The following PALLD variants were observed in gnomAD, a reference collection of about 807,000 sequenced individuals.
PALLD encodes the protein palladin.
A neutral mutation model predicts 123.5 loss-of-function variants in PALLD; 61 were observed. The observed-to-expected ratio is 0.49, with a 90% CI of 0.40 to 0.61. The LOEUF (loss-of-function observed/expected upper bound fraction) is 0.61, where lower values mean the gene tolerates loss of function less well. PALLD is among the 20% of genes least tolerant of loss of function. The pLI is 0.00. For synonymous variants in PALLD, 465 were observed against 496.4 expected (o/e 0.94, Z 0.84); for missense variants, 1,273 against 1,377.0 (o/e 0.92, Z 1.20).
chr4:168,717,571 G>A (rs1785481997), intron 10 of PALLD, among the ~76,000 whole-genome samples: 1 of 152,006 alleles, frequency 6.6e-6, no homozygotes, highest in South Asian at 2.1e-4. Flanking sequence ...GGCTGGTCTC[G>A]AACTCCTGAC....
chr4:168,742,736 A>G lies in PALLD; in HGVS notation c.1964+30813A>G, dbSNP rs562565905. Reference sequence around the variant, plus strand: ...CAACTGAAATGATGGGTGTATTTGCATCTAGTGGCAATCATATTCACTATG... The same window carrying G: ...CAACTGAAATGATGGGTGTATTTGCGTCTAGTGGCAATCATATTCACTATG... On this transcript the variant is annotated intron_variant, in intron 10 of 21. Coordinates refer to ENST00000505667, the MANE Select transcript of PALLD (RefSeq NM_001166108.2). Among the ~76,000 whole-genome samples, 229 of 152,328 alleles carry G rather than the reference A, an allele frequency of 1.5e-3. 1 individual carries two copies. The highest frequency in any genetic ancestry group is 5.2e-3 in the African/African-American group (217 of 41,572).
In PALLD at chr4:168,599,248, C is replaced by T. The variant is rs545937259; in HGVS notation, c.909-68942C>T. Reference sequence around the variant, plus strand: ...TAGAAATGTCTACATATTTTAAGGGCTCATGCAGGGCCTTGGAAGAAGACC... The same window carrying T: ...TAGAAATGTCTACATATTTTAAGGGTTCATGCAGGGCCTTGGAAGAAGACC... On this transcript the variant is annotated intron_variant, in intron 2 of 21. Transcript: ENST00000505667. Among the ~76,000 whole-genome samples, 3 of 152,276 alleles carry T rather than the reference C, an allele frequency of 2.0e-5. No homozygotes were observed. In the East Asian group the frequency reaches 5.8e-4, roughly 29 times the overall value.
At position 168,928,229 on chromosome 4, in the gene PALLD, TCTTA is replaced by T. The variant is rs368719203; in HGVS notation, c.*2053_*2056del. 1 of 185,650 alleles carries T rather than the reference TCTTA, an allele frequency of 5.4e-6. No homozygotes were observed. Among genetic ancestry groups the T allele is most frequent in the East Asian group, 8.7e-5 (1 of 11,450 alleles). 11.5% of individuals were successfully genotyped at this position (185,650 alleles called of 1,614,324 possible). A position where few individuals can be genotyped will look rare whatever the true frequency, so the allele number is the denominator to read the frequency against. On this transcript the variant is annotated 3_prime_UTR_variant, in exon 22 of 22. Transcript: ENST00000505667. ...CTCTATTGTAGAATTATGACTTATG[TCTTA>T]CTTGCCAAATTTTTCTGAATGTGAC...
intron 2 of PALLD, among the ~76,000 whole-genome samples, chr4:168,608,159 C>T (rs2149752490): frequency 6.6e-6 from 1 of 152,316 alleles, no homozygotes. Flanking sequence ...GGGAGCAGCG[C>T]TGGCAACCTA....
At chr4:168,833,067 C>CTCCA (rs1744542026) in intron 10 of PALLD, 7 of 152,560 alleles carry the variant, frequency 4.6e-5, no homozygotes, top group African/African-American at 1.4e-4. Context: ...GGGCTCTAGG[C>CTCCA]CGGCCCCGCC....
At chr4:168,821,940 G>A (rs1369237995) in intron 10 of PALLD, among the ~76,000 whole-genome samples, 1 of 147,212 alleles carries the variant, frequency 6.8e-6, no homozygotes, top group Non-Finnish European at 1.5e-5. Context: ...ATAGACTGTT[G>A]TTGAAGCCCA....
At chr4:168,917,937 AC>A (rs1760543805) in intron 17 of PALLD, among the ~76,000 whole-genome samples, 1 of 152,186 alleles carries the variant, frequency 6.6e-6, no homozygotes, top group South Asian at 2.1e-4. Context: ...ACAGTGGCAC[AC>A]GCCTGTAATC....
intron 10 of PALLD, among the ~76,000 whole-genome samples, chr4:168,838,957 A>C (rs2150911228): frequency 6.6e-6 from 1 of 151,930 alleles, no homozygotes; most frequent in East Asian, 1.9e-4. Flanking sequence ...CTAAGAAATA[A>C]TTTTTTTTGT....
intron 2 of PALLD, among the ~76,000 whole-genome samples, chr4:168,661,634 T>C (rs1428751270): frequency 6.6e-6 from 1 of 152,218 alleles, no homozygotes; most frequent in African/African-American, 2.4e-5. Context: ...GCTCTCCAGT[T>C]TCCCTCAGCT....
chr4:168,723,466 G>C (rs1013102723), intron 10 of PALLD, among the ~76,000 whole-genome samples: 1 of 152,206 alleles, frequency 6.6e-6, no homozygotes. Flanking sequence ...GAAAAGGTTT[G>C]AGGAAGCAGA....
intron 10 of PALLD, among the ~76,000 whole-genome samples, chr4:168,752,024 G>A (rs1320967762): frequency 1.3e-5 from 2 of 152,164 alleles, no homozygotes; most frequent in East Asian, 1.9e-4. Flanking sequence ...GGGCTCTGTC[G>A]AACACTCAGT....
chr4:168,889,159 T>TGTGTGTGTGTGTGTGTGTGG (rs1753789336), intron 10 of PALLD, among the ~76,000 whole-genome samples: 1 of 147,014 alleles, frequency 6.8e-6, no homozygotes, highest in Non-Finnish European at 1.5e-5. Flanking sequence ...TGTGTGTGTG[T>TGTGTGTGTGTGTGTGTGTGG]GTGTGTGGTT....
chr4:168,838,667 C>CTTTTTTTTTT (rs70961558), intron 10 of PALLD, among the ~76,000 whole-genome samples: 1 of 88,780 alleles, frequency 1.1e-5, no homozygotes, highest in Non-Finnish European at 2.1e-5. Context: ...CTTCTAACTC[C>CTTTTTTTTTT]TTTTTTTTTT....
intron 2 of PALLD, among the ~76,000 whole-genome samples, chr4:168,585,902 G>A (rs976189701): frequency 1.3e-5 from 2 of 152,080 alleles, no homozygotes; most frequent in Non-Finnish European, 2.9e-5. Context: ...AGGGTCCTTT[G>A]CATTGGTAGA....
chr4:168,730,671 C>A (rs779733310), intron 10 of PALLD, among the ~76,000 whole-genome samples: 1 of 152,036 alleles, frequency 6.6e-6, no homozygotes, highest in African/African-American at 2.4e-5. Flanking sequence ...ATCTTCAGGT[C>A]TTGGGTTAAT....
At chr4:168,592,044 T>C (rs1197110025) in intron 2 of PALLD, among the ~76,000 whole-genome samples, 1 of 142,352 alleles carries the variant, frequency 7.0e-6, no homozygotes, top group East Asian at 2.0e-4. Flanking sequence ...TGAGATGGAG[T>C]CGCGCTCTGT....
chr4:168,790,953 A>C (rs2150600459), intron 10 of PALLD, among the ~76,000 whole-genome samples: 1 of 152,162 alleles, frequency 6.6e-6, no homozygotes, highest in Non-Finnish European at 1.5e-5. Flanking sequence ...ATTAATTCTA[A>C]CCCCTTCAAT....
At chr4:168,701,708 T>TG (rs1235957421) in intron 8 of PALLD, among the ~76,000 whole-genome samples, 6 of 152,224 alleles carry the variant, frequency 3.9e-5, no homozygotes, top group Non-Finnish European at 8.8e-5. Context: ...TCTCTCAGTG[T>TG]TCCCAGAACC....
intron 10 of PALLD, chr4:168,712,176 G>T (rs1784895923): frequency 1.8e-6 from 1 of 556,626 alleles, no homozygotes; most frequent in Non-Finnish European, 3.2e-6. Context: ...TCTGTGCCCA[G>T]TGTGGGCTTC....
Sources: allele counts gnomAD v4.1 joint callset (sites outside exome capture counted in the v4.1 genomes callset), GRCh38; gene constraint gnomAD v4.1.1; transcripts MANE v1.5; gene names NCBI Gene and HGNC (gene_info 2026-07-23, HGNC 2026-07-21).